DGCR8: variants seen among roughly 807,000 people sequenced by gnomAD.
The protein encoded by DGCR8 is microprocessor complex subunit DGCR8.
DGCR8 carries 14 observed loss-of-function variants against 78.5 expected under a neutral mutation model. The ratio of observed to expected loss-of-function variants is 0.18; its 90% CI spans 0.12 to 0.28. The LOEUF (loss-of-function observed/expected upper bound fraction) is 0.28. DGCR8 is among the 10% of genes least tolerant of loss of function. DGCR8 has a pLI of 1.00. For synonymous variants in DGCR8, 399 were observed against 402.4 expected (o/e 0.99, Z 0.10); for missense variants, 702 against 1,022.5 (o/e 0.69, Z 4.28).
At position 20,110,117 on chromosome 22, in the gene DGCR8, G is replaced by A; in HGVS notation, c.*9G>A. The A allele has an allele frequency of 1.2e-6, 2 of 1,606,760 alleles. No homozygotes were observed. The highest frequency in any genetic ancestry group is 1.7e-6 in the Non-Finnish European group (2 of 1,179,680). On this transcript the variant is annotated 3_prime_UTR_variant, in exon 14 of 14. Transcript: ENST00000351989. ...GCACCGTGGACGTGTGAGGGAGGTG[G>A]CACGGGCCAGGGCGCGGGGGCCGCC...
At chr22:20,106,341 ATTC>A in intron 10 of DGCR8, 64 bp downstream of exon 10, 1 of 1,386,020 alleles carries the variant, frequency 7.2e-7, no homozygotes, top group Non-Finnish European at 1.0e-6. Context: ...GGCGTCTCAT[ATTC>A]TTGTGGCTGT....
chr22:20,102,191 G>C (rs1487545693), intron 9 of DGCR8: 15 of 448,458 alleles, frequency 3.3e-5, no homozygotes, highest in Non-Finnish European at 4.4e-5. Flanking sequence ...CTGCAATCAA[G>C]ATGCAGAACA....
Position 20,089,548 on chromosome 22 carries a change from A to G in DGCR8, c.881-121A>G, listed in dbSNP as rs2049527941. 9.2e-7 allele frequency: 1 copy of G among 1,091,750 alleles called. No individual in the cohort carries two copies. Among genetic ancestry groups the G allele is most frequent in the Non-Finnish European group, 1.3e-6 (1 of 744,192 alleles). 67.6% of individuals were successfully genotyped at this position (1,091,750 alleles called of 1,614,324 possible). ...AGCAAGGCAGAGAGGAATTTCGATT[A>G]TCTGTGAAGACCCAGTTAAACACAT... On this transcript the variant is annotated intron_variant, in intron 3 of 13. Coordinates refer to ENST00000351989, the MANE Select transcript of DGCR8 (RefSeq NM_022720.7). The surrounding 1 kb of genome is among the most constrained non-coding windows in gnomAD (Gnocchi z 4.9).
chr22:20,092,789 C>T lies in DGCR8; in HGVS notation c.1607-20C>T, dbSNP rs775991986. The T allele has an allele frequency of 1.3e-6, 2 of 1,598,904 alleles. No homozygotes were observed. Among genetic ancestry groups the T allele is most frequent in the Non-Finnish European group, 1.7e-6 (2 of 1,167,568 alleles). On this transcript the variant is annotated intron_variant, in intron 7 of 13. Coordinates refer to ENST00000351989, the MANE Select transcript of DGCR8 (RefSeq NM_022720.7). Reference sequence around the variant, plus strand: ...ATGTCTTGACTCGTATGTTTTAAAACAAGTAATTTTAATTTTAAGAGAACC... The same window carrying T: ...ATGTCTTGACTCGTATGTTTTAAAATAAGTAATTTTAATTTTAAGAGAACC...
At position 20,086,782 on chromosome 22, in the gene DGCR8, A is replaced by T. The variant is rs541404305; in HGVS notation, c.720+99A>T. The T allele has an allele frequency of 1.4e-6, 2 of 1,380,378 alleles. No homozygotes were observed. Among genetic ancestry groups the T allele is most frequent in the Non-Finnish European group, 1.9e-6 (2 of 1,028,864 alleles). 85.5% of individuals were successfully genotyped at this position (1,380,378 alleles called of 1,614,324 possible). A position where few individuals can be genotyped will look rare whatever the true frequency, so the allele number is the denominator to read the frequency against. On this transcript the variant is annotated intron_variant, in intron 2 of 13. Coordinates refer to ENST00000351989, the MANE Select transcript of DGCR8 (RefSeq NM_022720.7). This position sits in a 1 kb window ranked among gnomAD's most constrained non-coding sequence, Gnocchi z 6.4. ...TGAAAGCAGGGAAATTAAAAAAAAA[A>T]AAAACAAAAACCAAAATCCCCTCTG...
At chr22:20,080,973 C>T (rs75967927) in intron 1 of DGCR8, among the ~76,000 whole-genome samples, 19,864 of 152,230 alleles carry the variant, frequency 0.13, 1,678 homozygotes, top group Non-Finnish European at 0.19. Flanking sequence ...TCCTGCACGG[C>T]AGTCCTGTCT....
At position 20,094,696 on chromosome 22, in the gene DGCR8, GCT is replaced by G; in HGVS notation, c.1706-14_1706-13del. On this transcript the variant is annotated splice_polypyrimidine_tract_variant and intron_variant, in intron 8 of 13. Transcript: ENST00000351989. ...GGCAGTGCCCAAGCCTCACCCTCGG[GCT>G]CTTTTTTTTCATAGCCCGAGCTACA... 6.2e-7 allele frequency: 1 copy of G among 1,612,550 alleles called. No individual in the cohort carries two copies. Among genetic ancestry groups the G allele is most frequent in the Non-Finnish European group, 8.5e-7 (1 of 1,178,660 alleles).
intron 12 of DGCR8, chr22:20,108,594 G>A (rs1427519816): frequency 6.5e-6 from 2 of 308,540 alleles, no homozygotes; most frequent in South Asian, 3.1e-5. Context: ...TGGGCACCAC[G>A]AGCACCTCAC....
Position 20,087,505 on chromosome 22 carries a change from C to G in DGCR8, c.880+184C>G, listed in dbSNP as rs1434903886. Among the ~76,000 whole-genome samples, 1 of 152,046 alleles carries G rather than the reference C, an allele frequency of 6.6e-6. No homozygotes were observed. Among genetic ancestry groups the G allele is most frequent in the African/African-American group, 2.4e-5 (1 of 41,376 alleles). On this transcript the variant is annotated intron_variant, in intron 3 of 13. Coordinates refer to ENST00000351989, the MANE Select transcript of DGCR8 (RefSeq NM_022720.7). This position sits in a 1 kb window ranked among gnomAD's most constrained non-coding sequence, Gnocchi z 4.1. ...ATGGGAGGACGTCCTGATGCATGAC[C>G]CAGATGCGGATCCTGGTGTGTGCTA...
chr22:20,090,210 C>T lies in DGCR8; in HGVS notation c.1258C>T (p.Leu420=). 6.2e-7 allele frequency: 1 copy of T among 1,612,966 alleles called. No individual in the cohort carries two copies. Among genetic ancestry groups the T allele is most frequent in the Non-Finnish European group, 8.5e-7 (1 of 1,179,706 alleles). ...AGGGGCTGAGGCAGCCCCTGGGGCC[C>T]TGGGGCAGGTGAAGGCCAAAGTCGA... ...PLGAEAAPGA[L]GQVKAKVEVC... Residue 420 remains leucine, a synonymous_variant, in exon 5 of 14, where the codon CTG becomes TTG. Transcript: ENST00000351989.
Position 20,094,705 on chromosome 22 carries a change from T to G in DGCR8, c.1706-8T>G, listed in dbSNP as rs181244011. ...CAAGCCTCACCCTCGGGCTCTTTTTTTTCATAGCCCGAGCTACACTGGAAA... is the reference window on the plus strand; with the variant it reads ...CAAGCCTCACCCTCGGGCTCTTTTTGTTCATAGCCCGAGCTACACTGGAAA... On this transcript the variant is annotated splice_region_variant and splice_polypyrimidine_tract_variant and intron_variant, in intron 8 of 13. Coordinates refer to ENST00000351989, the MANE Select transcript of DGCR8 (RefSeq NM_022720.7). 7 of 1,613,564 alleles carry G rather than the reference T, an allele frequency of 4.3e-6. No individual in the cohort carries two copies. In the African/African-American group the frequency reaches 8.0e-5, roughly 18 times the overall value.
In DGCR8 at chr22:20,086,214, G is replaced by A. The variant is rs1311745193; in HGVS notation, c.251G>A (p.Arg84His). The change falls in exon 2 of 14, where the codon CGC (arginine) becomes CAC (histidine). Residue 84 changes from arginine (R) to histidine (H), a missense_variant. Physicochemically the swap from Arg to His is conservative, Grantham distance 29 (BLOSUM62 0). Around this residue, in one of 4 missense-constraint regions of DGCR8, gnomAD observed 356 missense variants for 448.9 expected, o/e 0.79. Transcript: ENST00000351989. This position sits in a 1 kb window ranked among gnomAD's most constrained non-coding sequence, Gnocchi z 6.4. The part of the protein sequence containing the change: ...LLSKGSFSKG[R>H]LLIDPNCSGH... The stretch of plus-strand genomic sequence containing the variant: ...TCCAAAGGATCCTTCTCTAAGGGCC[G>A]CCTCCTCATAGACCCGAACTGTAGT... The A allele has an allele frequency of 9.3e-6, 15 of 1,614,002 alleles. No homozygotes were observed. The Admixed American group carries it at 1.5e-4, about 16-fold the overall frequency.
chr22:20,110,450 A>G lies in DGCR8; in HGVS notation c.*342A>G. The G allele has an allele frequency of 4.0e-6, 1 of 248,434 alleles. No homozygotes were observed. The highest frequency in any genetic ancestry group is 7.8e-6 in the Non-Finnish European group (1 of 128,668). The allele number at this position is 248,434 out of a possible 1,614,324, so 15.4% of individuals were successfully genotyped here. A position where few individuals can be genotyped will look rare whatever the true frequency, so the allele number is the denominator to read the frequency against. ...AAGGCTTTCATGAATTTTAGTATGT[A>G]ATACGCACTGACGACACATGATGCT... On this transcript the variant is annotated 3_prime_UTR_variant, in exon 14 of 14. Coordinates refer to ENST00000351989, the MANE Select transcript of DGCR8 (RefSeq NM_022720.7).
At chr22:20,108,288 G>A (rs2049793302) in intron 12 of DGCR8, 1 of 152,828 alleles carries the variant, frequency 6.5e-6, no homozygotes, top group Non-Finnish European at 1.5e-5. Context: ...CCTTGGCTGT[G>A]ACGGAGGGAG....
chr22:20,089,843 TG>T lies in DGCR8; in HGVS notation c.1023+33del, dbSNP rs1479657123. 2.2e-5 allele frequency: 36 copies of T among 1,610,442 alleles called. No individual in the cohort carries two copies. The highest frequency in any genetic ancestry group is 2.5e-5 in the Non-Finnish European group (29 of 1,177,924). On this transcript the variant is annotated intron_variant, in intron 4 of 13. Coordinates refer to ENST00000351989, the MANE Select transcript of DGCR8 (RefSeq NM_022720.7). This position sits in a 1 kb window ranked among gnomAD's most constrained non-coding sequence, Gnocchi z 4.9. ...GAGGCATCAGTCGTGACTTTAGGCTTGTAAGTTCTCAGACCAAAACGTGCAC... is the reference window on the plus strand; with the variant it reads ...GAGGCATCAGTCGTGACTTTAGGCTTTAAGTTCTCAGACCAAAACGTGCAC...
chr22:20,102,949 A>C (rs1012702955), intron 9 of DGCR8, among the ~76,000 whole-genome samples: 1 of 152,154 alleles, frequency 6.6e-6, no homozygotes, highest in African/African-American at 2.4e-5. Context: ...CCTGGCCAAC[A>C]TGGTGAAACC....
chr22:20,087,464 A>T lies in DGCR8; in HGVS notation c.880+143A>T. 1.0e-6 allele frequency: 1 copy of T among 982,408 alleles called. No individual in the cohort carries two copies. The highest frequency in any genetic ancestry group is 3.2e-4 in the Middle Eastern group (1 of 3,106). 60.9% of individuals were successfully genotyped at this position (982,408 alleles called of 1,614,324 possible). A position where few individuals can be genotyped will look rare whatever the true frequency, so the allele number is the denominator to read the frequency against. ...TTTGAGGACAGGACAGAAATATCTGAGGAGGGAAACACAGGATGGGAGGAC... is the reference window on the plus strand; with the variant it reads ...TTTGAGGACAGGACAGAAATATCTGTGGAGGGAAACACAGGATGGGAGGAC... On this transcript the variant is annotated intron_variant, in intron 3 of 13. Coordinates refer to ENST00000351989, the MANE Select transcript of DGCR8 (RefSeq NM_022720.7). The surrounding 1 kb of genome is among the most constrained non-coding windows in gnomAD (Gnocchi z 4.1).
At chr22:20,108,801 T>TGCCAGACC in intron 12 of DGCR8, 89 bp from the exon 13 acceptor site, 7 of 851,726 alleles carry the variant, frequency 8.2e-6, no homozygotes, top group Admixed American at 3.4e-5. Flanking sequence ...GCGCCTGCCT[T>TGCCAGACC]CAGGGTCCCA....
intron 12 of DGCR8, 61 bp from the exon 13 acceptor site, chr22:20,108,829 C>A: frequency 1.5e-6 from 1 of 647,206 alleles, no homozygotes; most frequent in African/African-American, 2.2e-5. Flanking sequence ...AGCTGCTGGG[C>A]AGCGGGCAGG....
Sources: allele counts gnomAD v4.1 joint callset (sites outside exome capture counted in the v4.1 genomes callset), GRCh38; gene constraint gnomAD v4.1.1; regional missense constraint gnomAD v4.1.1; non-coding constraint Gnocchi (gnomAD v3.1); transcripts MANE v1.5; gene names NCBI Gene and HGNC (gene_info 2026-07-23, HGNC 2026-07-21).